Variants in DDX23 observed in about 807,000 individuals in gnomAD.
The protein encoded by DDX23 is DEAD-box helicase 23, also known as probable ATP-dependent RNA helicase DDX23.
A neutral mutation model predicts 102.7 loss-of-function variants in DDX23; 33 were observed. The observed-to-expected ratio is 0.32, with a 90% CI of 0.24 to 0.43. The LOEUF (loss-of-function observed/expected upper bound fraction) is 0.43. Among genes scored for constraint, DDX23 ranks in the 20% least tolerant of loss-of-function variants. DDX23 has a pLI of 1.00. For missense variants in DDX23, 549 were observed against 1,086.6 expected, an observed-to-expected ratio of 0.51 and a Z score of 6.96; for synonymous variants, 352 against 376.0, an observed-to-expected ratio of 0.94 and a Z score of 0.74.
At chr12:48,843,571 CAG>C (rs1938609556) in intron 3 of DDX23, among the ~76,000 whole-genome samples, 1 of 117,902 alleles carries the variant, frequency 8.5e-6, no homozygotes, top group Admixed American at 1.0e-4. Context: ...TTTTTTGAGA[CAG>C]AGTCTTGCTC....
At position 48,834,347 on chromosome 12, in the gene DDX23, C is replaced by T. The variant is rs1282361060; in HGVS notation, c.1533G>A (p.Gln511=). The part of the protein sequence containing the change: ...AVIGGISRED[Q]GFRLRMGCEI... ...CACAACCCATGCGCAGCCTGAAGCC[C>T]TGGTCTTCTCTGGAGATGCCACCAA... The change falls in exon 12 of 17, where the codon CAG becomes CAA. Residue 511 remains glutamine, a synonymous_variant. Coordinates refer to ENST00000308025, the MANE Select transcript of DDX23 (RefSeq NM_004818.3). 41 of 1,613,966 alleles carry T rather than the reference C, an allele frequency of 2.5e-5. No homozygotes were observed. Among genetic ancestry groups the T allele is most frequent in the Non-Finnish European group, 3.4e-5 (40 of 1,180,014 alleles).
At chr12:48,843,684 G>T (rs1388547868) in intron 3 of DDX23, among the ~76,000 whole-genome samples, 2 of 151,534 alleles carry the variant, frequency 1.3e-5, no homozygotes, top group Non-Finnish European at 2.9e-5. Flanking sequence ...GAGTAGCTGG[G>T]ACTACAGGCA....
intron 3 of DDX23, among the ~76,000 whole-genome samples, chr12:48,841,913 A>T (rs1445010010): frequency 3.9e-5 from 5 of 128,698 alleles, no homozygotes; most frequent in African/African-American, 5.8e-5. Context: ...CGTCTCTGCC[A>T]GGCCGCCCAT....
At position 48,836,929 on chromosome 12, in the gene DDX23, C is replaced by G; in HGVS notation, c.975G>C (p.Glu325Asp). Residue 325 changes from glutamate (E) to aspartate (D), a missense_variant, in exon 9 of 17, where the codon GAG becomes GAC. By Grantham distance (45) the Glu-to-Asp change is conservative. Around this residue, in one of 4 missense-constraint regions of DDX23, gnomAD observed 270 missense variants for 707.0 expected, o/e 0.38. Transcript: ENST00000308025. The surrounding 1 kb of genome is among the most constrained non-coding windows in gnomAD (Gnocchi z 6.1). ...CCTTTTCTTCCAGGGTTCGCCTCTTCTCCATTAGGTCTCCATAGAAACGTG... is the reference window on the plus strand; with the variant it reads ...CCTTTTCTTCCAGGGTTCGCCTCTTGTCCATTAGGTCTCCATAGAAACGTG... Reference protein sequence around the residue: ...EQSRFYGDLMEKRRTLEEKEQ... With the variant: ...EQSRFYGDLMDKRRTLEEKEQ... The G allele has an allele frequency of 6.2e-7, 1 of 1,613,944 alleles. No homozygotes were observed. Among genetic ancestry groups the G allele is most frequent in the Non-Finnish European group, 8.5e-7 (1 of 1,180,036 alleles).
At chr12:48,850,370 C>T (rs935304580) in intron 1 of DDX23, among the ~76,000 whole-genome samples, 2 of 152,142 alleles carry the variant, frequency 1.3e-5, no homozygotes, top group African/African-American at 4.8e-5. Context: ...GACTAGGGAA[C>T]GAACAGATTT....
rs1464848236 is a variant in DDX23 at position 48,843,929 on chromosome 12, C to A, written c.320+11G>T. On this transcript the variant is annotated intron_variant, in intron 3 of 16. Transcript: ENST00000308025. ...CATTCCCCTAAAGCCCCCTCTCATT[C>A]CTTCATGTACCTGGATCGTTTACGG... 1 of 1,613,450 alleles carries A rather than the reference C, an allele frequency of 6.2e-7. No individual in the cohort carries two copies. Among genetic ancestry groups the A allele is most frequent in the African/African-American group, 1.3e-5 (1 of 74,908 alleles).
intron 16 of DDX23, 73 bp downstream of exon 16, chr12:48,831,069 C>T: frequency 6.4e-7 from 1 of 1,562,566 alleles, no homozygotes; most frequent in Non-Finnish European, 8.8e-7. Flanking sequence ...ATGGACAGCA[C>T]CCTGACTTCC....
intron 11 of DDX23, among the ~76,000 whole-genome samples, chr12:48,835,887 C>T (rs1938462579): frequency 6.6e-6 from 1 of 151,968 alleles, no homozygotes; most frequent in Non-Finnish European, 1.5e-5. Flanking sequence ...TGAGACTCTG[C>T]CTCAAAAAAA....
chr12:48,831,756 C>T (rs1319244748), intron 15 of DDX23: 2 of 452,122 alleles, frequency 4.4e-6, no homozygotes, highest in East Asian at 4.0e-5. Context: ...CTCCTCTCAA[C>T]GTACCTAAGC....
At chr12:48,837,702 AAAGAG>A (rs1342619307) in intron 6 of DDX23, 45 bp from the exon 7 acceptor site, 1 of 1,610,402 alleles carries the variant, frequency 6.2e-7, no homozygotes, top group Non-Finnish European at 8.5e-7. Context: ...TCATGGAAGA[AAAGAG>A]GAGAGGGAAT....
chr12:48,847,166 T>C (rs182374431), intron 1 of DDX23: 7 of 152,312 alleles, frequency 4.6e-5, no homozygotes, highest in Non-Finnish European at 2.9e-5. Context: ...TATCTCACAA[T>C]CACCTGAGAA....
intron 3 of DDX23, among the ~76,000 whole-genome samples, chr12:48,841,930 A>C (rs1159591680): frequency 6.6e-6 from 1 of 150,756 alleles, no homozygotes; most frequent in South Asian, 2.1e-4. Flanking sequence ...CCATCGTCTG[A>C]GATGTGGGGA....
chr12:48,832,935 C>T lies in DDX23; in HGVS notation c.1803+342G>A. On this transcript the variant is annotated intron_variant, in intron 13 of 16. Transcript: ENST00000308025. This position sits in a 1 kb window ranked among gnomAD's most constrained non-coding sequence, Gnocchi z 4.4. ...TCATTCTAGAAACATGTACTCTGAG[C>T]CCACCTAAGGCAAGAAAGGCCCAAA... 2.2e-6 allele frequency: 1 copy of T among 446,598 alleles called. No homozygotes were observed. Among genetic ancestry groups the T allele is most frequent in the Non-Finnish European group, 4.1e-6 (1 of 246,780 alleles). 27.7% of individuals were successfully genotyped at this position (446,598 alleles called of 1,614,324 possible).
intron 1 of DDX23, among the ~76,000 whole-genome samples, chr12:48,848,130 A>G (rs985993165): frequency 3.9e-5 from 6 of 151,928 alleles, no homozygotes; most frequent in Non-Finnish European, 8.8e-5. Flanking sequence ...CTAAAAATAC[A>G]AAAAAATTAG....
chr12:48,841,920 C>A (rs1241593317), intron 3 of DDX23, among the ~76,000 whole-genome samples: 1 of 152,148 alleles, frequency 6.6e-6, no homozygotes, highest in East Asian at 1.9e-4. Context: ...GCCAGGCCGC[C>A]CATCGTCTGA....
intron 3 of DDX23, among the ~76,000 whole-genome samples, chr12:48,842,717 G>A (rs1408149769): frequency 6.6e-6 from 1 of 151,460 alleles, no homozygotes; most frequent in African/African-American, 2.4e-5. Context: ...CGTCCAGGAG[G>A]TGAGGGGCGC....
chr12:48,843,844 G>T, intron 3 of DDX23, 96 bp downstream of exon 3: 1 of 1,385,852 alleles, frequency 7.2e-7, no homozygotes, highest in Non-Finnish European at 1.0e-6. Context: ...CACCACGCCT[G>T]GCGAGAAATC....
At chr12:48,842,535 CGGGA>C (rs1938580998) in intron 3 of DDX23, among the ~76,000 whole-genome samples, 1 of 137,586 alleles carries the variant, frequency 7.3e-6, no homozygotes, top group African/African-American at 2.7e-5. Context: ...CCGCCCCGTC[CGGGA>C]GGGAGGTGGG....
At chr12:48,837,709 A>C (rs1340019897) in intron 6 of DDX23, 52 bp from the exon 7 acceptor site, 1 of 1,608,564 alleles carries the variant, frequency 6.2e-7, no homozygotes. Flanking sequence ...AGAAAAGAGG[A>C]GAGGGAATGG....
Sources: gnomAD v4.1 joint callset for allele counts (sites outside exome capture counted in the v4.1 genomes callset) on GRCh38, gnomAD v4.1.1 for gene constraint, gnomAD v4.1.1 regional missense constraint, Gnocchi (gnomAD v3.1) non-coding constraint, MANE v1.5 for transcripts, NCBI Gene and HGNC (gene_info 2026-07-23, HGNC 2026-07-21) for gene names.